Variants in MACROD2 observed in about 807,000 individuals in gnomAD.
The protein encoded by MACROD2 is mono-ADP ribosylhydrolase 2.
A neutral mutation model predicts 70.4 loss-of-function variants in MACROD2; 36 were observed. That is an observed-to-expected ratio of 0.51 (90% confidence interval 0.39 to 0.68). The LOEUF is 0.68. MACROD2 is among the 30% of genes least tolerant of loss of function. MACROD2 has a pLI of 0.00. For synonymous variants in MACROD2, 172 were observed against 178.8 expected, an observed-to-expected ratio of 0.96 and a Z score of 0.30; for missense variants, 496 against 538.4, an observed-to-expected ratio of 0.92 and a Z score of 0.78.
chr20:15,907,069 T>A (rs1354122761), intron 10 of MACROD2, among the ~76,000 whole-genome samples: 2 of 152,248 alleles, frequency 1.3e-5, no homozygotes, highest in East Asian at 3.8e-4. Context: ...CTTATTTATA[T>A]CCTCGTGGAC....
intron 3 of MACROD2, among the ~76,000 whole-genome samples, chr20:14,320,105 G>A (rs1350168386): frequency 2.6e-5 from 4 of 152,096 alleles, no homozygotes; most frequent in Admixed American, 1.3e-4. Context: ...CCTGTACTGC[G>A]CACATAGTCA....
At chr20:15,576,272 C>G (rs6110683) in intron 8 of MACROD2, among the ~76,000 whole-genome samples, 1 of 152,006 alleles carries the variant, frequency 6.6e-6, no homozygotes, top group African/African-American at 2.4e-5. Context: ...CCTCTGTAGT[C>G]CTACATTCTT....
intron 3 of MACROD2, among the ~76,000 whole-genome samples, chr20:14,479,148 G>T (rs1208582925): frequency 6.6e-6 from 1 of 152,088 alleles, no homozygotes; most frequent in Non-Finnish European, 1.5e-5. Flanking sequence ...GAGACAGGAT[G>T]CCTCCTGTCT....
intron 15 of MACROD2, among the ~76,000 whole-genome samples, chr20:15,997,771 C>T (rs532024235): frequency 2.0e-5 from 3 of 152,118 alleles, no homozygotes; most frequent in African/African-American, 4.8e-5. Context: ...TTGTTCTTGA[C>T]CTTAGAGGAA....
intron 8 of MACROD2, among the ~76,000 whole-genome samples, chr20:15,601,035 A>G (rs896348205): frequency 2.0e-5 from 3 of 152,248 alleles, no homozygotes; most frequent in African/African-American, 7.2e-5. Flanking sequence ...TAATAAGAAT[A>G]GTTAACCATA....
intron 4 of MACROD2, among the ~76,000 whole-genome samples, chr20:14,614,265 A>G (rs1983343497): frequency 6.6e-6 from 1 of 152,134 alleles, no homozygotes; most frequent in Non-Finnish European, 1.5e-5. Flanking sequence ...TGCTGTTATG[A>G]GGCTTAAATT....
chr20:14,052,035 T>C lies in MACROD2; in HGVS notation c.164-33586T>C. On this transcript the variant is annotated intron_variant, in intron 2 of 17. Transcript: ENST00000684519. ...AAGTCTTACAGGTATTCTTCTTACA[T>C]ATTTTACTTGATTGCTATGTTTTTA... 2.1e-5 allele frequency: 9 copies of C among 434,074 alleles called. 2 individuals are homozygous for C. Among genetic ancestry groups the C allele is most frequent in the South Asian group, 1.5e-4 (9 of 58,714 alleles). The allele number at this position is 434,074 out of a possible 1,614,324, so 26.9% of individuals were successfully genotyped here.
intron 4 of MACROD2, among the ~76,000 whole-genome samples, chr20:14,644,626 G>A (rs115626799): frequency 1.4e-4 from 22 of 152,112 alleles, no homozygotes; most frequent in African/African-American, 5.1e-4. Context: ...CTTGTTTATC[G>A]AATATGGAAT....
rs1280178553 is a variant in MACROD2, at chr20:15,562,292, T to C, written c.645+62445T>C. Reference sequence around the variant, plus strand: ...GTTTCTGATGGAATCCTAACCCTTTTGTGATGTGGGGCCTTCATATAAGTA... The same window carrying C: ...GTTTCTGATGGAATCCTAACCCTTTCGTGATGTGGGGCCTTCATATAAGTA... On this transcript the variant is annotated intron_variant, in intron 8 of 17. Transcript: ENST00000684519. Among the ~76,000 whole-genome samples, 6 of 152,158 alleles carry C rather than the reference T, an allele frequency of 3.9e-5. No homozygotes were observed. The East Asian group carries it at 1.2e-3, about 29-fold the overall frequency.
chr20:14,894,185 C>G (rs560409732), intron 5 of MACROD2: 4 of 151,960 alleles, frequency 2.6e-5, no homozygotes, highest in African/African-American at 9.7e-5. Context: ...TAGAATCAAA[C>G]TGAAACTTAA....
chr20:14,525,129 A>G (rs1389977927), intron 4 of MACROD2, among the ~76,000 whole-genome samples: 1 of 152,212 alleles, frequency 6.6e-6, no homozygotes, highest in Non-Finnish European at 1.5e-5. Flanking sequence ...AGTAGTACCC[A>G]CTGGATATAT....
chr20:15,733,675 G>C (rs1051369293), intron 8 of MACROD2, among the ~76,000 whole-genome samples: 3 of 152,072 alleles, frequency 2.0e-5, no homozygotes, highest in Non-Finnish European at 4.4e-5. Flanking sequence ...CTATTCTATG[G>C]CATTTTTAGG....
In MACROD2 at chr20:15,876,111, A is replaced by ATATATATATATG. The variant is rs1555789655; in HGVS notation, c.728-9652_728-9651insATATATATATGT. 1.5e-4 allele frequency among the ~76,000 whole-genome samples: 21 copies of ATATATATATATG among 138,820 alleles called. 1 individual carries two copies. Among genetic ancestry groups the ATATATATATATG allele is most frequent in the African/African-American group, 4.9e-4 (17 of 34,728 alleles). The allele number at this position is 138,820 out of a possible 152,430, so 91.1% of individuals were successfully genotyped here. A position where few individuals can be genotyped will look rare whatever the true frequency, so the allele number is the denominator to read the frequency against. Reference sequence around the variant, plus strand: ...GTCTTTTATATATATATATATATATATGTGTGTATTTTTTTTATTACACTG... The same window carrying ATATATATATATG: ...GTCTTTTATATATATATATATATATATATATATATATGTGTGTGTATTTTTTTTATTACACTG... On this transcript the variant is annotated intron_variant, in intron 9 of 17. Transcript: ENST00000684519.
intron 3 of MACROD2, among the ~76,000 whole-genome samples, chr20:14,452,064 C>T (rs532099147): frequency 6.6e-6 from 1 of 152,078 alleles, no homozygotes; most frequent in African/African-American, 2.4e-5. Flanking sequence ...GGATTTTGAA[C>T]CCAGGTATTT....
At chr20:14,670,641 A>C (rs1473961336) in intron 4 of MACROD2, among the ~76,000 whole-genome samples, 1 of 152,226 alleles carries the variant, frequency 6.6e-6, no homozygotes, top group African/African-American at 2.4e-5. Flanking sequence ...AAATGGCATC[A>C]GGCTTCAAGT....
chr20:14,000,054 A>G (rs1211489574), intron 1 of MACROD2, among the ~76,000 whole-genome samples: 1 of 152,196 alleles, frequency 6.6e-6, no homozygotes, highest in East Asian at 1.9e-4. Context: ...TCCTTGTACC[A>G]GGAACTTGCA....
intron 3 of MACROD2, among the ~76,000 whole-genome samples, chr20:14,314,716 C>T (rs1010808562): frequency 5.9e-5 from 9 of 152,166 alleles, no homozygotes; most frequent in Non-Finnish European, 1.2e-4. Flanking sequence ...GCTGAGGTCA[C>T]GCCATTGCAC....
intron 6 of MACROD2, among the ~76,000 whole-genome samples, chr20:15,281,768 T>G (rs2077446844): frequency 6.6e-6 from 1 of 152,152 alleles, no homozygotes; most frequent in African/African-American, 2.4e-5. Context: ...CATTCTGGGG[T>G]CTGGAGAATG....
chr20:15,903,470 T>C, intron 10 of MACROD2, among the ~76,000 whole-genome samples: 1 of 152,118 alleles, frequency 6.6e-6, no homozygotes, highest in East Asian at 1.9e-4. Flanking sequence ...ACTGGAGGCC[T>C]ATCCTGGAGA....
Sources: gnomAD v4.1 joint callset for allele counts (sites outside exome capture counted in the v4.1 genomes callset) on GRCh38, gnomAD v4.1.1 for gene constraint, MANE v1.5 for transcripts, NCBI Gene and HGNC (gene_info 2026-07-23, HGNC 2026-07-21) for gene names.